MTRES1: variants seen among roughly 807,000 people sequenced by gnomAD.
The protein encoded by MTRES1 is mitochondrial transcription rescue factor 1.
In MTRES1, 11 loss-of-function variants were observed where a neutral mutation model predicts 17.4. The observed-to-expected ratio is 0.63, with a 90% CI of 0.40 to 1.05. The LOEUF is 1.05. Ranked by LOEUF, MTRES1 falls within the 50% of genes least tolerant of loss-of-function variation. MTRES1 has a pLI of 0.00. For missense variants in MTRES1, 268 were observed against 276.2 expected (o/e 0.97, Z 0.21); for synonymous variants, 94 against 99.6 (o/e 0.94, Z 0.34).
rs566587529 is a variant in MTRES1 at position 107,043,264 on chromosome 6, G to A, written c.471-996G>A. On this transcript the variant is annotated intron_variant, in intron 2 of 3. Coordinates refer to ENST00000311381, the MANE Select transcript of MTRES1 (RefSeq NM_016487.5). ...CAGGAGAATGGCGTGAACTTGGGAG[G>A]TGGAAGCTGCAGTGAGCCGAGACCA... Among the ~76,000 whole-genome samples the A allele has an allele frequency of 7.2e-5, 11 of 152,090 alleles. No individual in the cohort carries two copies. The South Asian group carries it at 1.7e-3, about 23-fold the overall frequency.
At chr6:107,037,439 C>G (rs899625211) in intron 1 of MTRES1, among the ~76,000 whole-genome samples, 31 of 151,848 alleles carry the variant, frequency 2.0e-4, no homozygotes, top group African/African-American at 5.8e-4. Flanking sequence ...TTGAACTCCT[C>G]ACCTCAAGTG....
At chr6:107,036,487 C>T (rs1300322153) in intron 1 of MTRES1, among the ~76,000 whole-genome samples, 4 of 151,672 alleles carry the variant, frequency 2.6e-5, no homozygotes, top group African/African-American at 9.7e-5. Context: ...AGGCAGTGAG[C>T]CGAGATCGAG....
chr6:107,041,582 A>G (rs1350477912), intron 2 of MTRES1, among the ~76,000 whole-genome samples: 4 of 151,942 alleles, frequency 2.6e-5, no homozygotes, highest in Non-Finnish European at 4.4e-5. Context: ...CTGGAGTGCC[A>G]TGGCACGATC....
chr6:107,037,100 T>G (rs1381442097), intron 1 of MTRES1, among the ~76,000 whole-genome samples: 1 of 151,680 alleles, frequency 6.6e-6, no homozygotes, highest in Non-Finnish European at 1.5e-5. Context: ...AAAAAAAAAG[T>G]TTTTTTAATT....
intron 3 of MTRES1, among the ~76,000 whole-genome samples, chr6:107,049,941 G>A (rs1460539162): frequency 3.9e-5 from 6 of 152,074 alleles, no homozygotes; most frequent in African/African-American, 1.4e-4. Context: ...GGCCAGTCTT[G>A]AACTCCTGAC....
chr6:107,036,757 G>A (rs540944043), intron 1 of MTRES1, among the ~76,000 whole-genome samples: 1 of 151,868 alleles, frequency 6.6e-6, no homozygotes, highest in Admixed American at 6.6e-5. Flanking sequence ...GCAGGAGAAT[G>A]GCGAATGGCG....
At chr6:107,049,186 A>AT (rs1447757549) in intron 3 of MTRES1, among the ~76,000 whole-genome samples, 1 of 152,132 alleles carries the variant, frequency 6.6e-6, no homozygotes, top group Non-Finnish European at 1.5e-5. Flanking sequence ...TAATTGTAAA[A>AT]TAAGATAAAA....
At chr6:107,046,008 T>A (rs311247) in intron 3 of MTRES1, among the ~76,000 whole-genome samples, 2 of 152,210 alleles carry the variant, frequency 1.3e-5, no homozygotes, top group Non-Finnish European at 2.9e-5. Flanking sequence ...CAGGTTCTTG[T>A]AGCTCTGTGG....
At chr6:107,042,082 T>G (rs946016256) in intron 2 of MTRES1, among the ~76,000 whole-genome samples, 22 of 152,024 alleles carry the variant, frequency 1.4e-4, no homozygotes, top group Non-Finnish European at 2.9e-4. Context: ...GGCTCACGCC[T>G]GTAGTCCCAG....
chr6:107,051,034 C>G, intron 3 of MTRES1, 23 bp from the exon 4 acceptor site: 1 of 1,546,344 alleles, frequency 6.5e-7, no homozygotes, highest in Non-Finnish European at 8.8e-7. Context: ...GTAACCAAGC[C>G]TCTGTTTTCT....
Position 107,051,159 on chromosome 6 carries a change from A to G in MTRES1, c.646A>G (p.Thr216Ala). 6.2e-7 allele frequency: 1 copy of G among 1,614,154 alleles called. No individual in the cohort carries two copies. The highest frequency in any genetic ancestry group is 8.5e-7 in the Non-Finnish European group (1 of 1,179,992). ...ILLKKVFEEK[T>A]ESEKYRVVLR... ...CTTGAAAAAAGTGTTTGAAGAGAAG[A>G]CTGAAAGTGAAAAATACAGAGTGGT... The change falls in exon 4 of 4, where the codon ACT becomes GCT. Residue 216 changes from threonine to alanine, a missense_variant. Transcript: ENST00000311381.
rs371551860 is a variant in MTRES1, at chr6:107,040,261, C to A, written c.470+31C>A. The A allele has an allele frequency of 6.6e-5, 102 of 1,540,732 alleles. No individual in the cohort carries two copies. In the Middle Eastern group the frequency reaches 6.9e-4, roughly 10 times the overall value. ...TATGATACGCATTTCATTATAAACT[C>A]GCTCGTAGTCATGTTATTTTAATAT... On this transcript the variant is annotated intron_variant, in intron 2 of 3. Transcript: ENST00000311381.
At chr6:107,042,358 G>GC (rs1275615916) in intron 2 of MTRES1, among the ~76,000 whole-genome samples, 1 of 86,386 alleles carries the variant, frequency 1.2e-5, no homozygotes, top group African/African-American at 4.7e-5. Context: ...AAAAAAAAAA[G>GC]GTTCATAAAA....
intron 1 of MTRES1, among the ~76,000 whole-genome samples, chr6:107,038,258 G>T (rs1192639803): frequency 2.6e-5 from 4 of 152,110 alleles, no homozygotes; most frequent in African/African-American, 9.7e-5. Context: ...CAATCCTAAG[G>T]TACAATCTAG....
chr6:107,029,090 A>G (rs1554226060), intron 1 of MTRES1, among the ~76,000 whole-genome samples: 1 of 151,830 alleles, frequency 6.6e-6, no homozygotes, highest in South Asian at 2.1e-4. Flanking sequence ...CAATGGCGGG[A>G]TCTCGGCTCA....
rs1562285347 is a variant in MTRES1, at chr6:107,046,933, TGTGTGTGTGTGTG to T, written c.543+2602_543+2614del. 5.0e-3 allele frequency among the ~76,000 whole-genome samples: 741 copies of T among 146,754 alleles called. 11 individuals carry two copies. The highest frequency in any genetic ancestry group is 0.018 in the East Asian group (92 of 4,974). On this transcript the variant is annotated intron_variant, in intron 3 of 3. Transcript: ENST00000311381. ...GAAGCTCCAAAGGGATTCATTCTTG[TGTGTGTGTGTGTG>T]TGTGTGTGTGTGTGTGTGTGTGTGT... is the stretch of plus-strand genomic sequence containing the variant.
intron 1 of MTRES1, among the ~76,000 whole-genome samples, chr6:107,038,797 G>A (rs183069903): frequency 7.2e-4 from 109 of 152,274 alleles, no homozygotes; most frequent in African/African-American, 2.5e-3. Flanking sequence ...GCTCACGCCT[G>A]TAATCCCAGC....
chr6:107,028,757 C>A, intron 1 of MTRES1: 1 of 334,564 alleles, frequency 3.0e-6, no homozygotes, highest in Non-Finnish European at 4.2e-6. Context: ...TCAAAGTCAG[C>A]GCTGCTTTTT....
intron 1 of MTRES1, chr6:107,029,013 GTTGTTTTGTTTTGTT>G (rs111677043): frequency 3.2e-6 from 1 of 311,838 alleles, no homozygotes; most frequent in African/African-American, 2.3e-5. Context: ...TCCACAGGGT[GTTGTTTTGTTTTGTT>G]TTGTTTTGTT....
Sources: gnomAD v4.1 joint callset for allele counts (sites outside exome capture counted in the v4.1 genomes callset) on GRCh38, gnomAD v4.1.1 for gene constraint, MANE v1.5 for transcripts, NCBI Gene and HGNC (gene_info 2026-07-23, HGNC 2026-07-21) for gene names.